SPATA7: variants seen among roughly 807,000 people sequenced by gnomAD.
The protein encoded by SPATA7 is spermatogenesis associated 7, also known as spermatogenesis-associated protein 7.
In SPATA7, 43 loss-of-function variants were observed where a neutral mutation model predicts 51.8. The observed-to-expected ratio is 0.83, with a 90% CI of 0.65 to 1.07. The LOEUF (loss-of-function observed/expected upper bound fraction) is 1.07. Among genes scored for constraint, SPATA7 ranks in the 50% least tolerant of loss-of-function variants. The probability of loss-of-function intolerance (pLI) is 0.00; values close to 1 mark genes in which losing one functional copy is unlikely to be tolerated. For missense variants in SPATA7, 683 were observed against 701.3 expected, an observed-to-expected ratio of 0.97 and a Z score of 0.30; for synonymous variants, 230 against 252.8, an observed-to-expected ratio of 0.91 and a Z score of 0.86.
intron 3 of SPATA7, among the ~76,000 whole-genome samples, chr14:88,447,632 C>G (rs2077223626): frequency 6.6e-6 from 1 of 151,748 alleles, no homozygotes; most frequent in Non-Finnish European, 1.5e-5. Context: ...CCGGTTGTTC[C>G]TTTCCATGTT....
At chr14:88,468,078 G>C (rs752943225) in intron 4 of SPATA7, 4 of 1,577,224 alleles carry the variant, frequency 2.5e-6, no homozygotes, top group Non-Finnish European at 2.6e-6. Flanking sequence ...TTAGGCAAGC[G>C]CTTTTTTTTT....
At chr14:88,442,265 C>T (rs2077183139), downstream of SPATA7, among the ~76,000 whole-genome samples, 1 of 152,096 alleles carries the variant, frequency 6.6e-6, no homozygotes, top group Non-Finnish European at 1.5e-5. Flanking sequence ...TCTGGGCTCA[C>T]TGCAACTTCT....
In SPATA7 at chr14:88,426,197, A is replaced by T. The variant is rs376424358; in HGVS notation, c.373-35A>T. 1.2e-5 allele frequency: 18 copies of T among 1,461,072 alleles called. No individual in the cohort carries two copies. The African/African-American group carries it at 2.2e-4, about 18-fold the overall frequency. The allele number at this position is 1,461,072 out of a possible 1,614,324, so 90.5% of individuals were successfully genotyped here. On this transcript the variant is annotated intron_variant, in intron 5 of 11. Transcript: ENST00000393545. ...AAATCCCCAATTACATGAATTCGTA[A>T]TGCAGTTGATGACTGTCATATCGAA...
At chr14:88,417,315 T>TA (rs1208696758) in intron 5 of SPATA7, among the ~76,000 whole-genome samples, 259 of 130,798 alleles carry the variant, frequency 2.0e-3, no homozygotes, top group African/African-American at 6.8e-3. Flanking sequence ...TTTTTTTTTT[T>TA]TTATATATAT....
intron 7 of SPATA7, 110 bp from the exon 8 acceptor site, chr14:88,429,238 T>G: frequency 1.5e-6 from 1 of 668,744 alleles, no homozygotes; most frequent in East Asian, 2.8e-5. Context: ...ACTGTATAAT[T>G]TTTATCTACT....
At chr14:88,444,877 T>G (rs942971337) in intron 3 of SPATA7, among the ~76,000 whole-genome samples, 16 of 152,276 alleles carry the variant, frequency 1.1e-4, no homozygotes, top group African/African-American at 1.4e-4. Context: ...ATGCTGTTTT[T>G]GTTACTGTAG....
At chr14:88,394,971 T>C (rs1023395787) in intron 3 of SPATA7, among the ~76,000 whole-genome samples, 1 of 152,144 alleles carries the variant, frequency 6.6e-6, no homozygotes, top group Admixed American at 6.5e-5. Context: ...GTTGTTTGTC[T>C]CTTTAGTATT....
Position 88,385,697 on chromosome 14 carries a change from C to G in SPATA7, c.-122C>G. 1 of 977,266 alleles carries G rather than the reference C, an allele frequency of 1.0e-6. No individual in the cohort carries two copies. Among genetic ancestry groups the G allele is most frequent in the East Asian group, 2.6e-5 (1 of 38,684 alleles). 60.5% of individuals were successfully genotyped at this position (977,266 alleles called of 1,614,324 possible). On this transcript the variant is annotated 5_prime_UTR_variant, in exon 1 of 12. Coordinates refer to ENST00000393545, the MANE Select transcript of SPATA7 (RefSeq NM_018418.5). ...TAGCAACGGCCTGGCAACGGTTTCCCTGCTGCTGCAGCCCCCGTCGGCTCC... is the reference window on the plus strand; with the variant it reads ...TAGCAACGGCCTGGCAACGGTTTCCGTGCTGCTGCAGCCCCCGTCGGCTCC...
chr14:88,426,165 A>C (rs755240992), intron 5 of SPATA7, 67 bp from the exon 6 acceptor site: 55 of 1,144,992 alleles, frequency 4.8e-5, no homozygotes, highest in Non-Finnish European at 6.7e-5. Flanking sequence ...TTTAATGTAT[A>C]ATCTCAAAAT....
intron 3 of SPATA7, among the ~76,000 whole-genome samples, chr14:88,446,023 C>T (rs1212934892): frequency 2.0e-5 from 3 of 152,166 alleles, no homozygotes; most frequent in Non-Finnish European, 2.9e-5. Context: ...GGAGGATTCC[C>T]TCTTTTTCTA....
chr14:88,461,149 G>T (rs140920359), intron 4 of SPATA7, among the ~76,000 whole-genome samples: 5,788 of 152,298 alleles, frequency 0.038, 359 homozygotes, highest in African/African-American at 0.13. Flanking sequence ...TAGGCTACTC[G>T]GGGGTCAGGG....
intron 10 of SPATA7, among the ~76,000 whole-genome samples, chr14:88,435,097 A>G (rs1481174621): frequency 2.6e-5 from 4 of 152,182 alleles, no homozygotes; most frequent in Non-Finnish European, 5.9e-5. Flanking sequence ...GGAAATTATC[A>G]TCTTAGAGAT....
chr14:88,469,368 T>C lies in SPATA7; in HGVS notation c.255-479T>C. On this transcript the variant is annotated intron_variant, in intron 4 of 4. Coordinates refer to the SPATA7 transcript ENST00000556406. The surrounding 1 kb of genome is among the most constrained non-coding windows in gnomAD (Gnocchi z 4.3). ...GTTAACCCTCCCCAAAACACTTGTA[T>C]TCTTTATGTTAAAACAAGTCCGAAG... 1 of 872,316 alleles carries C rather than the reference T, an allele frequency of 1.1e-6. No individual in the cohort carries two copies. The highest frequency in any genetic ancestry group is 1.7e-6 in the Non-Finnish European group (1 of 574,972). 54.0% of individuals were successfully genotyped at this position (872,316 alleles called of 1,614,324 possible).
chr14:88,417,594 C>T (rs1196658525), intron 5 of SPATA7, among the ~76,000 whole-genome samples: 2 of 152,158 alleles, frequency 1.3e-5, no homozygotes, highest in African/African-American at 4.8e-5. Context: ...AAGCATGAGC[C>T]ACTATGCTGA....
intron 5 of SPATA7, among the ~76,000 whole-genome samples, chr14:88,419,427 G>A (rs1003441268): frequency 7.5e-6 from 1 of 133,956 alleles, no homozygotes; most frequent in Admixed American, 7.2e-5. Flanking sequence ...TCCATTTTTT[G>A]ATCTTAATGT....
At chr14:88,450,656 G>A (rs1437810446) in intron 3 of SPATA7, among the ~76,000 whole-genome samples, 1 of 152,198 alleles carries the variant, frequency 6.6e-6, no homozygotes, top group Non-Finnish European at 1.5e-5. Flanking sequence ...GGTTTCGGCT[G>A]AGAAATCTGC....
downstream of SPATA7, among the ~76,000 whole-genome samples, chr14:88,442,940 AT>A (rs201523703): frequency 0.6 from 74,276 of 124,142 alleles, 21,558 homozygotes; most frequent in East Asian, 0.8. Context: ...TTTGTTAGTA[AT>A]TTTTTTTTTT....
intron 4 of SPATA7, among the ~76,000 whole-genome samples, chr14:88,401,137 G>A (rs114249674): frequency 8.1e-4 from 123 of 152,250 alleles, no homozygotes; most frequent in African/African-American, 2.7e-3. Flanking sequence ...CATGTTAAAA[G>A]AGTCAAACAC....
intron 4 of SPATA7, among the ~76,000 whole-genome samples, chr14:88,461,720 C>T (rs554975509): frequency 6.6e-6 from 1 of 151,622 alleles, no homozygotes; most frequent in East Asian, 1.9e-4. Flanking sequence ...ACTGTCCTGC[C>T]CCCACTGTCC....
Sources: allele counts gnomAD v4.1 joint callset (sites outside exome capture counted in the v4.1 genomes callset), GRCh38; gene constraint gnomAD v4.1.1; non-coding constraint Gnocchi (gnomAD v3.1); transcripts MANE v1.5; gene names NCBI Gene and HGNC (gene_info 2026-07-23, HGNC 2026-07-21).